Variants in ADAMTS12 observed in about 807,000 individuals in gnomAD.
The protein encoded by ADAMTS12 is ADAM metallopeptidase with thrombospondin type 1 motif 12.
A neutral mutation model predicts 167.8 loss-of-function variants in ADAMTS12; 118 were observed. That is an observed-to-expected ratio of 0.70 (90% CI 0.61 to 0.82). The LOEUF (loss-of-function observed/expected upper bound fraction) is 0.82, where lower values mean the gene tolerates loss of function less well. Ranked by LOEUF, ADAMTS12 falls within the 40% of genes least tolerant of loss-of-function variation. The pLI is 0.00. For synonymous variants in ADAMTS12, 704 were observed against 716.9 expected, an observed-to-expected ratio of 0.98 and a Z score of 0.29; for missense variants, 1,916 against 1,998.8, an observed-to-expected ratio of 0.96 and a Z score of 0.79.
In ADAMTS12 at chr5:33,576,770, T is replaced by C. The variant is rs978502729; in HGVS notation, c.3256A>G (p.Ser1086Gly). ...LSSRYLISTG[S>G]TSQPILTSQS... ...GAAGTGAGGATGGGCTGGGAAGTGCTTCCAGTGGAAATGAGATAGCGAGAG... is the reference window on the plus strand; with the variant it reads ...GAAGTGAGGATGGGCTGGGAAGTGCCTCCAGTGGAAATGAGATAGCGAGAG... Residue 1086 changes from serine (S) to glycine (G), a missense_variant, in exon 19 of 24, where the codon AGC (serine) becomes GGC (glycine). By Grantham distance (56) the Ser-to-Gly change is moderately conservative. Coordinates refer to ENST00000504830, the MANE Select transcript of ADAMTS12 (RefSeq NM_030955.4). 6.2e-7 allele frequency: 1 copy of C among 1,614,236 alleles called. No individual in the cohort carries two copies. The highest frequency in any genetic ancestry group is 2.2e-5 in the East Asian group (1 of 44,888).
intron 2 of ADAMTS12, among the ~76,000 whole-genome samples, chr5:33,761,372 C>G (rs1340902305): frequency 6.6e-6 from 1 of 152,184 alleles, no homozygotes; most frequent in Non-Finnish European, 1.5e-5. Flanking sequence ...CTGTGAAGGC[C>G]TCACACACAG....
intron 3 of ADAMTS12, among the ~76,000 whole-genome samples, chr5:33,712,196 A>C (rs1428558466): frequency 6.6e-6 from 1 of 152,156 alleles, no homozygotes; most frequent in East Asian, 1.9e-4. Context: ...CTAAATGTTA[A>C]ATATTACTAT....
intron 22 of ADAMTS12, among the ~76,000 whole-genome samples, chr5:33,537,112 G>A (rs980070067): frequency 1.3e-5 from 2 of 152,204 alleles, no homozygotes; most frequent in Non-Finnish European, 2.9e-5. Context: ...CTCATGGCTA[G>A]ACTAGGCACA....
At chr5:33,589,759 T>G (rs1413473916) in intron 17 of ADAMTS12, among the ~76,000 whole-genome samples, 1 of 152,202 alleles carries the variant, frequency 6.6e-6, no homozygotes, top group Non-Finnish European at 1.5e-5. Context: ...AATAGTACAC[T>G]GGGGGAAGTC....
chr5:33,658,336 G>A lies in ADAMTS12; in HGVS notation c.1041-3C>T. ...TGAAACCAGCACAGATGTCCTTTCT[G>A]AAAGCAGAGAATACAGAAGCTAAGG... is the stretch of plus-strand genomic sequence containing the variant. On this transcript the variant is annotated splice_region_variant and splice_polypyrimidine_tract_variant and intron_variant, in intron 6 of 23. Coordinates refer to ENST00000504830, the MANE Select transcript of ADAMTS12 (RefSeq NM_030955.4). 6.2e-7 allele frequency: 1 copy of A among 1,613,144 alleles called. No homozygotes were observed. Among genetic ancestry groups the A allele is most frequent in the Non-Finnish European group, 8.5e-7 (1 of 1,179,378 alleles).
intron 2 of ADAMTS12, among the ~76,000 whole-genome samples, chr5:33,874,404 G>T (rs923099419): frequency 1.3e-5 from 2 of 152,146 alleles, no homozygotes; most frequent in Admixed American, 6.5e-5. Flanking sequence ...TATTGAAATG[G>T]TCAAAATCCA....
Position 33,601,103 on chromosome 5 carries a change from A to AAG in ADAMTS12, c.2528-5045_2528-5044dup, listed in dbSNP as rs1356414714. The stretch of plus-strand genomic sequence containing the variant: ...TGACTATAGAAGCTCAAACACATTT[A>AAG]AGAGTGTGTGTGTGTGTGTGTGTGT... On this transcript the variant is annotated intron_variant, in intron 16 of 23. Coordinates refer to ENST00000504830, the MANE Select transcript of ADAMTS12 (RefSeq NM_030955.4). Among the ~76,000 whole-genome samples, 134 of 90,672 alleles carry AAG rather than the reference A, an allele frequency of 1.5e-3. 1 individual carries two copies. Among genetic ancestry groups the AAG allele is most frequent in the African/African-American group, 5.5e-3 (124 of 22,602 alleles). The allele number at this position is 90,672 out of a possible 152,430, so 59.5% of individuals were successfully genotyped here. A position where few individuals can be genotyped will look rare whatever the true frequency, so the allele number is the denominator to read the frequency against.
chr5:33,739,079 CTG>C (rs940706766), intron 3 of ADAMTS12, among the ~76,000 whole-genome samples: 28 of 152,176 alleles, frequency 1.8e-4, no homozygotes, highest in African/African-American at 6.8e-4. Flanking sequence ...TCTCTGTTGA[CTG>C]AGAGAATACC....
intron 16 of ADAMTS12, among the ~76,000 whole-genome samples, chr5:33,606,727 A>G (rs1738456590): frequency 6.6e-6 from 1 of 152,224 alleles, no homozygotes; most frequent in African/African-American, 2.4e-5. Context: ...AGTTGCAGAG[A>G]AAAAAGAGGA....
At chr5:33,889,565 G>GT (rs1396776909) in intron 1 of ADAMTS12, among the ~76,000 whole-genome samples, 2 of 152,160 alleles carry the variant, frequency 1.3e-5, no homozygotes, top group African/African-American at 2.4e-5. Flanking sequence ...AATTCTAAAT[G>GT]TAAGTCTGCT....
At chr5:33,589,278 G>A (rs2112012152) in intron 17 of ADAMTS12, among the ~76,000 whole-genome samples, 1 of 152,246 alleles carries the variant, frequency 6.6e-6, no homozygotes, top group East Asian at 1.9e-4. Flanking sequence ...ATGATTTATT[G>A]TTATTTTGAC....
At chr5:33,529,371 G>T (rs1743984330) in intron 23 of ADAMTS12, among the ~76,000 whole-genome samples, 1 of 152,148 alleles carries the variant, frequency 6.6e-6, no homozygotes, top group Non-Finnish European at 1.5e-5. Flanking sequence ...CACGTTCCAG[G>T]TCTGTTAAGA....
At chr5:33,641,284 T>G (rs914053757) in intron 11 of ADAMTS12, among the ~76,000 whole-genome samples, 4 of 152,172 alleles carry the variant, frequency 2.6e-5, no homozygotes, top group Non-Finnish European at 4.4e-5. Context: ...AACAGGCCAC[T>G]GCGGAACTTT....
In ADAMTS12 at chr5:33,727,976, T is replaced by C. The variant is rs530567971; in HGVS notation, c.634+23428A>G. On this transcript the variant is annotated intron_variant, in intron 3 of 23. Transcript: ENST00000504830. ...CAGCATCTTTAATGCAAGCCCTCAA[T>C]AGATACCTGCAGATTGAGCAAAAGC... Among the ~76,000 whole-genome samples, 11 of 152,338 alleles carry C rather than the reference T, an allele frequency of 7.2e-5. No individual in the cohort carries two copies. In the South Asian group the frequency reaches 2.3e-3, roughly 32 times the overall value.
intron 2 of ADAMTS12, among the ~76,000 whole-genome samples, chr5:33,814,068 T>C (rs7701400): frequency 0.096 from 14,674 of 152,272 alleles, 915 homozygotes; most frequent in South Asian, 0.25. Flanking sequence ...AATCTGTGGC[T>C]TGCTATTTCC....
At chr5:33,740,364 C>T (rs991696864) in intron 3 of ADAMTS12, among the ~76,000 whole-genome samples, 1 of 152,182 alleles carries the variant, frequency 6.6e-6, no homozygotes, top group African/African-American at 2.4e-5. Context: ...GGGCCAGCTA[C>T]ATAATTTGTA....
chr5:33,648,898 G>A lies in ADAMTS12; in HGVS notation c.1403C>T (p.Pro468Leu), dbSNP rs750961111. ...KKGLKSKVIA[P>L]GVIYDVHHQC... is the part of the protein sequence containing the mutation. The stretch of plus-strand genomic sequence containing the variant: ...GTGGTGAACATCATAGATCACTCCG[G>A]GGGCAATGACCTTGGACTTCAAGCC... Residue 468 changes from proline to leucine, a missense_variant, in exon 9 of 24, where the codon CCC (proline) becomes CTC (leucine). Transcript: ENST00000504830. 1.2e-6 allele frequency: 2 copies of A among 1,614,004 alleles called. No individual in the cohort carries two copies. Among genetic ancestry groups the A allele is most frequent in the Non-Finnish European group, 1.7e-6 (2 of 1,179,958 alleles).
At position 33,731,320 on chromosome 5, in the gene ADAMTS12, G is replaced by C. The variant is rs150489251; in HGVS notation, c.634+20084C>G. 6.8e-3 allele frequency among the ~76,000 whole-genome samples: 1,033 copies of C among 151,902 alleles called. 10 individuals carry two copies. The highest frequency in any genetic ancestry group is 0.024 in the African/African-American group (991 of 41,422). On this transcript the variant is annotated intron_variant, in intron 3 of 23. Transcript: ENST00000504830. ...CATGTCTCAGCCTTCCGAGTAGCTG[G>C]GATTACAGGTGTAAGCCACTGCACC... is the stretch of plus-strand genomic sequence containing the variant.
Position 33,527,104 on chromosome 5 carries a change from C to T in ADAMTS12, c.*84G>A, listed in dbSNP as rs1418382397. The T allele has an allele frequency of 9.9e-6, 15 of 1,518,670 alleles. No homozygotes were observed. The highest frequency in any genetic ancestry group is 1.3e-5 in the Non-Finnish European group (15 of 1,113,714). The allele number at this position is 1,518,670 out of a possible 1,614,324, so 94.1% of individuals were successfully genotyped here. A position where few individuals can be genotyped will look rare whatever the true frequency, so the allele number is the denominator to read the frequency against. ...TGAATCTGAAATATATGAAGCAAAA[C>T]CTCAACGAAGCAGCTCCCAGGGCTA... On this transcript the variant is annotated 3_prime_UTR_variant, in exon 24 of 24. Coordinates refer to ENST00000504830, the MANE Select transcript of ADAMTS12 (RefSeq NM_030955.4).
Sources: allele counts gnomAD v4.1 joint callset (sites outside exome capture counted in the v4.1 genomes callset), GRCh38; gene constraint gnomAD v4.1.1; transcripts MANE v1.5; gene names NCBI Gene and HGNC (gene_info 2026-07-23, HGNC 2026-07-21).